Variants in BAZ1A observed in about 807,000 individuals in gnomAD.
BAZ1A encodes the protein bromodomain adjacent to zinc finger domain protein 1A.
BAZ1A carries 50 observed loss-of-function variants against 185.2 expected under a neutral mutation model. The ratio of observed to expected loss-of-function variants is 0.27; its 90% CI spans 0.22 to 0.34. The LOEUF (loss-of-function observed/expected upper bound fraction) is 0.34, where lower values mean the gene tolerates loss of function less well. Ranked by LOEUF, BAZ1A falls within the 10% of genes least tolerant of loss-of-function variation. BAZ1A has a pLI of 1.00. For missense variants in BAZ1A, 1,356 were observed against 1,839.9 expected, an observed-to-expected ratio of 0.74 and a Z score of 4.81; for synonymous variants, 571 against 615.6, an observed-to-expected ratio of 0.93 and a Z score of 1.07.
chr14:34,758,125 A>C (rs1886349688), intron 25 of BAZ1A, among the ~76,000 whole-genome samples: 1 of 151,778 alleles, frequency 6.6e-6, no homozygotes, highest in Admixed American at 6.6e-5. Context: ...CAAAAAAAAA[A>C]AAAAAAAAAC....
intron 3 of BAZ1A, among the ~76,000 whole-genome samples, chr14:34,849,397 A>G (rs1213678488): frequency 6.6e-6 from 1 of 152,252 alleles, no homozygotes; most frequent in African/African-American, 2.4e-5. Flanking sequence ...ATGTTAGTAT[A>G]GTATAGAAAA....
chr14:34,802,322 GTC>G (rs1313868332), intron 7 of BAZ1A, among the ~76,000 whole-genome samples: 1 of 152,062 alleles, frequency 6.6e-6, no homozygotes. Context: ...CTCAGCCTCT[GTC>G]TGCCTCCCGG....
In BAZ1A at chr14:34,849,532, G is replaced by GA. The variant is rs200000902; in HGVS notation, c.392+12511dup. ...GATACATGAATCTTTTACTTTAATA[G>GA]AAAAAAAAACAGATTTTAAAAAATT... On this transcript the variant is annotated intron_variant, in intron 3 of 26. Transcript: ENST00000360310. 2.4e-3 allele frequency among the ~76,000 whole-genome samples: 356 copies of GA among 149,700 alleles called. 1 individual carries two copies. Among genetic ancestry groups the GA allele is most frequent in the African/African-American group, 7.7e-3 (315 of 40,892 alleles).
chr14:34,787,566 C>T (rs993558351), intron 12 of BAZ1A, among the ~76,000 whole-genome samples: 3 of 151,668 alleles, frequency 2.0e-5, no homozygotes, highest in Admixed American at 6.6e-5. Flanking sequence ...GTCTGTAATC[C>T]CAGCTACTTG....
intron 24 of BAZ1A, 120 bp downstream of exon 24, chr14:34,761,637 C>G: frequency 1.2e-6 from 1 of 831,548 alleles, no homozygotes; most frequent in Admixed American, 2.8e-5. Flanking sequence ...CAGATTGTTC[C>G]CTAATAACTT....
At chr14:34,795,346 CTT>C (rs371293494) in intron 10 of BAZ1A, among the ~76,000 whole-genome samples, 166 of 152,306 alleles carry the variant, frequency 1.1e-3, no homozygotes, top group African/African-American at 3.6e-3. Context: ...GATTTGGACA[CTT>C]TGGCCATTTC....
chr14:34,756,115 C>CTTT (rs548364033), intron 25 of BAZ1A, among the ~76,000 whole-genome samples: 3 of 127,382 alleles, frequency 2.4e-5, no homozygotes, highest in Admixed American at 8.2e-5. Context: ...TGGTTTTTTT[C>CTTT]TTTTTTTTTT....
At chr14:34,763,600 A>G (rs1445523878) in intron 23 of BAZ1A, among the ~76,000 whole-genome samples, 1 of 152,092 alleles carries the variant, frequency 6.6e-6, no homozygotes, top group Non-Finnish European at 1.5e-5. Flanking sequence ...GCTTCACTGC[A>G]TGCTACAATT....
Position 34,782,101 on chromosome 14 carries a change from C to T in BAZ1A, c.2111+1018G>A, listed in dbSNP as rs114046463. 6.3e-3 allele frequency among the ~76,000 whole-genome samples: 966 copies of T among 152,196 alleles called. 17 individuals are homozygous for T. Among genetic ancestry groups the T allele is most frequent in the African/African-American group, 0.022 (904 of 41,524 alleles). On this transcript the variant is annotated intron_variant, in intron 16 of 26. Coordinates refer to ENST00000360310, the MANE Select transcript of BAZ1A (RefSeq NM_013448.3). ...ATACAGTAACAAATGGTTTAATTGT[C>T]GGGTCATACAGTAACAAATGGTTTA...
intron 4 of BAZ1A, among the ~76,000 whole-genome samples, chr14:34,819,223 G>T (rs1566578885): frequency 1.3e-5 from 2 of 151,190 alleles, no homozygotes; most frequent in African/African-American, 4.9e-5. Flanking sequence ...CGTGCATAGG[G>T]TATATAGTTT....
chr14:34,835,422 C>T (rs553639000), intron 3 of BAZ1A, among the ~76,000 whole-genome samples: 2 of 152,054 alleles, frequency 1.3e-5, no homozygotes, highest in African/African-American at 2.4e-5. Flanking sequence ...AAAACTTTAA[C>T]TGTGTGACTC....
intron 12 of BAZ1A, among the ~76,000 whole-genome samples, chr14:34,790,492 T>G (rs1310910152): frequency 1.3e-5 from 2 of 152,126 alleles, no homozygotes; most frequent in African/African-American, 4.8e-5. Flanking sequence ...TAGCTGGGAT[T>G]ACAGGCATGC....
At chr14:34,796,578 T>C (rs1035159318) in intron 9 of BAZ1A, among the ~76,000 whole-genome samples, 5 of 152,230 alleles carry the variant, frequency 3.3e-5, no homozygotes, top group African/African-American at 1.2e-4. Context: ...GCTATTTCTC[T>C]TACTCGGTCT....
chr14:34,814,864 C>T (rs555254534), intron 4 of BAZ1A, among the ~76,000 whole-genome samples: 1 of 151,734 alleles, frequency 6.6e-6, no homozygotes, highest in Admixed American at 6.6e-5. Flanking sequence ...ACCTCCGTTT[C>T]CTGGGTTCAA....
intron 8 of BAZ1A, among the ~76,000 whole-genome samples, chr14:34,800,639 C>G (rs956983072): frequency 2.6e-5 from 4 of 152,172 alleles, no homozygotes; most frequent in African/African-American, 9.7e-5. Context: ...AAAGTGTGAT[C>G]TGAAGACCAG....
intron 3 of BAZ1A, among the ~76,000 whole-genome samples, chr14:34,826,751 T>G (rs2042170355): frequency 6.6e-6 from 1 of 152,182 alleles, no homozygotes; most frequent in Admixed American, 6.5e-5. Flanking sequence ...TAATTTTAGG[T>G]GTGAACTTGA....
At chr14:34,820,379 C>G (rs909281230) in intron 4 of BAZ1A, among the ~76,000 whole-genome samples, 1 of 152,156 alleles carries the variant, frequency 6.6e-6, no homozygotes, top group African/African-American at 2.4e-5. Context: ...CAATCCACCC[C>G]CCTTGGCCTC....
chr14:34,792,347 C>T (rs1057243111), intron 12 of BAZ1A, among the ~76,000 whole-genome samples: 6 of 151,408 alleles, frequency 4.0e-5, no homozygotes, highest in South Asian at 2.1e-4. Context: ...ATCACGCCAA[C>T]GCACTCCAGC....
intron 23 of BAZ1A, among the ~76,000 whole-genome samples, chr14:34,764,289 C>CTTTTTTTTTTTTTTT (rs34861206): frequency 1.8e-5 from 2 of 111,850 alleles, no homozygotes; most frequent in African/African-American, 3.5e-5. Context: ...TTTTTCTTTT[C>CTTTTTTTTTTTTTTT]TTTTTTTTTT....
Sources: allele counts gnomAD v4.1 joint callset (sites outside exome capture counted in the v4.1 genomes callset), GRCh38; gene constraint gnomAD v4.1.1; transcripts MANE v1.5; gene names NCBI Gene and HGNC (gene_info 2026-07-23, HGNC 2026-07-21).